DLC1: variants seen among roughly 807,000 people sequenced by gnomAD.
The protein encoded by DLC1 is rho GTPase-activating protein 7.
DLC1 carries 54 observed loss-of-function variants against 140.3 expected under a neutral mutation model. That is an observed-to-expected ratio of 0.38 (90% CI 0.31 to 0.48). The LOEUF is 0.48. Among genes scored for constraint, DLC1 ranks in the 20% least tolerant of loss-of-function variants. The pLI, the probability that DLC1 is intolerant of heterozygous loss-of-function variation, is 0.96. For synonymous variants in DLC1, 986 were observed against 728.1 expected, an observed-to-expected ratio of 1.35 and a Z score of -5.70; for missense variants, 2,536 against 1,907.0, an observed-to-expected ratio of 1.33 and a Z score of -6.14.
chr8:13,404,864 G>T (rs915351132), intron 2 of DLC1, among the ~76,000 whole-genome samples: 1 of 152,004 alleles, frequency 6.6e-6, no homozygotes, highest in Non-Finnish European at 1.5e-5. Flanking sequence ...AAAATAGACA[G>T]GCATGGTACT....
chr8:13,186,549 C>T (rs532715477), intron 5 of DLC1, among the ~76,000 whole-genome samples: 2 of 152,142 alleles, frequency 1.3e-5, no homozygotes, highest in Admixed American at 6.6e-5. Flanking sequence ...AGCCATTCGT[C>T]TAATCTTTTT....
chr8:13,586,577 GCAGATGCACATGCACACACACACA>G (rs1563458889), intron 1 of DLC1, among the ~76,000 whole-genome samples: 3 of 127,484 alleles, frequency 2.4e-5, no homozygotes. Context: ...AGAGAATAAT[GCAGATGCACATGCACACACACACA>G]CACACACACA....
At chr8:13,127,136 G>C (rs1821649673) in intron 5 of DLC1, among the ~76,000 whole-genome samples, 1 of 152,216 alleles carries the variant, frequency 6.6e-6, no homozygotes, top group African/African-American at 2.4e-5. Context: ...TGTGTTCTAG[G>C]TGAGCTAAGG....
At chr8:13,572,075 G>T (rs940726643) in intron 1 of DLC1, among the ~76,000 whole-genome samples, 1 of 137,136 alleles carries the variant, frequency 7.3e-6, no homozygotes, top group African/African-American at 2.7e-5. Flanking sequence ...TGAGTTTCAG[G>T]ATTATTATTA....
intron 5 of DLC1, among the ~76,000 whole-genome samples, chr8:13,287,067 C>G (rs116947122): frequency 0.042 from 6,424 of 152,180 alleles, 192 homozygotes; most frequent in South Asian, 0.067. Flanking sequence ...TTGGGAGACT[C>G]TCGTTAATAA....
intron 7 of DLC1, among the ~76,000 whole-genome samples, chr8:13,104,667 G>C (rs139222702): frequency 3.4e-4 from 52 of 152,264 alleles, no homozygotes; most frequent in African/African-American, 1.2e-3. Flanking sequence ...TTATCTTCCT[G>C]ATCCTGTTCT....
chr8:13,118,588 A>G (rs1231773144), intron 5 of DLC1, among the ~76,000 whole-genome samples: 1 of 152,256 alleles, frequency 6.6e-6, no homozygotes, highest in Admixed American at 6.5e-5. Flanking sequence ...AAAAGTTGTC[A>G]CATATTTTTT....
chr8:13,198,184 A>C (rs561751039), intron 5 of DLC1, among the ~76,000 whole-genome samples: 17 of 152,372 alleles, frequency 1.1e-4, no homozygotes, highest in Non-Finnish European at 2.1e-4. Context: ...AGTGACGATC[A>C]CAAGTGTGAT....
At chr8:13,259,157 AAAG>A (rs1830381364) in intron 5 of DLC1, among the ~76,000 whole-genome samples, 1 of 151,594 alleles carries the variant, frequency 6.6e-6, no homozygotes, top group Non-Finnish European at 1.5e-5. Context: ...AAAAAAAAAA[AAAG>A]AGAAAATCAA....
intron 5 of DLC1, among the ~76,000 whole-genome samples, chr8:13,189,742 TGTG>T (rs1282946273): frequency 1.3e-5 from 2 of 151,772 alleles, no homozygotes; most frequent in African/African-American, 4.8e-5. Flanking sequence ...ATTAGCCAAG[TGTG>T]GTGGTACATG....
At chr8:13,525,866 T>C (rs1168337906) in intron 1 of DLC1, among the ~76,000 whole-genome samples, 2 of 152,158 alleles carry the variant, frequency 1.3e-5, no homozygotes, top group Non-Finnish European at 2.9e-5. Context: ...ATGGATCATG[T>C]TTCTGGTCTC....
chr8:13,276,746 G>A (rs1586057537), intron 5 of DLC1: 2 of 338,374 alleles, frequency 5.9e-6, no homozygotes, highest in East Asian at 1.2e-4. Flanking sequence ...TTCCCTTCAG[G>A]GGCAGTCCAG....
chr8:13,571,235 T>G (rs1804642910), intron 1 of DLC1, among the ~76,000 whole-genome samples: 1 of 152,136 alleles, frequency 6.6e-6, no homozygotes, highest in African/African-American at 2.4e-5. Context: ...TAACAGAAAT[T>G]TGCCACTTGA....
At chr8:13,125,465 T>C (rs1325238061) in intron 5 of DLC1, among the ~76,000 whole-genome samples, 1 of 152,246 alleles carries the variant, frequency 6.6e-6, no homozygotes, top group Non-Finnish European at 1.5e-5. Context: ...TATTGATCTT[T>C]CATGTTTACA....
intron 2 of DLC1, among the ~76,000 whole-genome samples, chr8:13,489,362 A>G (rs1322279172): frequency 1.7e-5 from 2 of 117,512 alleles, no homozygotes; most frequent in Non-Finnish European, 3.4e-5. Flanking sequence ...GATTTTTCTA[A>G]GAAACTCTCA....
Position 13,300,451 on chromosome 8 carries a change from C to G in DLC1, c.1348+4818G>C, listed in dbSNP as rs139576631. 1.4e-3 allele frequency among the ~76,000 whole-genome samples: 216 copies of G among 152,332 alleles called. 5 individuals carry two copies. In the East Asian group the frequency reaches 0.037, roughly 26 times the overall value. ...CAGAACATCATAAAATAAAGTAAAT[C>G]TACATTGAACTTAAAAACAAACTCT... is the stretch of plus-strand genomic sequence containing the variant. On this transcript the variant is annotated intron_variant, in intron 5 of 17. Transcript: ENST00000276297.
intron 5 of DLC1, among the ~76,000 whole-genome samples, chr8:13,176,271 C>A (rs4831403): frequency 6.6e-6 from 1 of 152,002 alleles, no homozygotes; most frequent in Non-Finnish European, 1.5e-5. Flanking sequence ...GGGATGAAAA[C>A]TGCCTTCTAA....
intron 4 of DLC1, among the ~76,000 whole-genome samples, chr8:13,391,233 TG>T (rs1836747498): frequency 6.6e-6 from 1 of 152,078 alleles, no homozygotes; most frequent in African/African-American, 2.4e-5. Context: ...TGTTTGGTGG[TG>T]TTGAAGAGGA....
intron 4 of DLC1, among the ~76,000 whole-genome samples, chr8:13,306,037 G>A (rs1337412968): frequency 1.3e-5 from 2 of 152,096 alleles, no homozygotes; most frequent in Admixed American, 6.5e-5. Context: ...TCAAGGCTCA[G>A]GTTCCTTCTT....
Sources: gnomAD v4.1 joint callset for allele counts (sites outside exome capture counted in the v4.1 genomes callset) on GRCh38, gnomAD v4.1.1 for gene constraint, MANE v1.5 for transcripts, NCBI Gene and HGNC (gene_info 2026-07-23, HGNC 2026-07-21) for gene names.